The following SLC17A1 variants were observed in gnomAD, a reference collection of about 807,000 sequenced individuals.
The protein encoded by SLC17A1 is solute carrier family 17 member 1, also known as sodium-dependent phosphate transport protein 1.
SLC17A1 carries 51 observed loss-of-function variants against 53.5 expected under a neutral mutation model. The ratio of observed to expected loss-of-function variants is 0.95; its 90% CI spans 0.76 to 1.20. The LOEUF is 1.20. SLC17A1 is among the 50% of genes most tolerant of loss of function. SLC17A1 has a pLI of 0.00. For missense variants in SLC17A1, 538 were observed against 568.2 expected (o/e 0.95, Z 0.54); for synonymous variants, 179 against 198.8 (o/e 0.90, Z 0.84).
Position 25,798,769 on chromosome 6 carries a change from T to C in SLC17A1, c.*2+14A>G. On this transcript the variant is annotated intron_variant, in intron 12 of 12. Transcript: ENST00000244527. The stretch of plus-strand genomic sequence containing the variant: ...CCAGTTTCAAAAATTGTCCTTAATC[T>C]GATCACTTCTCACCTTCAGAGACGT... 5 of 1,591,692 alleles carry C rather than the reference T, an allele frequency of 3.1e-6. No individual in the cohort carries two copies. The highest frequency in any genetic ancestry group is 4.3e-6 in the Non-Finnish European group (5 of 1,164,966).
the SLC17A1 span, chr6:25,727,280 C>G: frequency 3.1e-5 from 49 of 1,601,966 alleles, no homozygotes; most frequent in South Asian, 4.1e-4. Flanking sequence ...CTAAGTACAC[C>G]AGCTCCAAGT....
chr6:25,765,859 A>C, the SLC17A1 span, among the ~76,000 whole-genome samples: 2 of 152,210 alleles, frequency 1.3e-5, no homozygotes, highest in African/African-American at 4.8e-5. Context: ...ATCATGAAAA[A>C]ATTGGATTAA....
the SLC17A1 span, chr6:25,773,453 G>A: frequency 6.2e-7 from 1 of 1,612,606 alleles, no homozygotes; most frequent in South Asian, 1.1e-5. Flanking sequence ...GAGAGATGAA[G>A]AATGTGATAG....
intron 3 of SLC17A1, among the ~76,000 whole-genome samples, chr6:25,821,534 A>G (rs1368370063): frequency 2.0e-5 from 3 of 152,184 alleles, no homozygotes; most frequent in African/African-American, 4.8e-5. Flanking sequence ...AAGGAAGTCA[A>G]TATTCACCCT....
chr6:25,812,436 T>C (rs1356110566), intron 8 of SLC17A1, among the ~76,000 whole-genome samples: 1 of 152,206 alleles, frequency 6.6e-6, no homozygotes, highest in Non-Finnish European at 1.5e-5. Flanking sequence ...CCAGACTCAT[T>C]GCCTTACTTT....
chr6:25,779,430 C>T (rs1561817306), downstream of SLC17A1: 1 of 416,938 alleles, frequency 2.4e-6, no homozygotes, highest in Non-Finnish European at 4.2e-6. Flanking sequence ...CCACTGTTAT[C>T]CTAGTAAAAG....
At chr6:25,791,853 T>C (rs1304392992) in intron 12 of SLC17A1, among the ~76,000 whole-genome samples, 1 of 152,218 alleles carries the variant, frequency 6.6e-6, no homozygotes, top group African/African-American at 2.4e-5. Context: ...AGTGACCGAG[T>C]CCATTTGCAG....
At chr6:25,795,648 T>C (rs1763588253) in intron 12 of SLC17A1, among the ~76,000 whole-genome samples, 1 of 152,188 alleles carries the variant, frequency 6.6e-6, no homozygotes, top group African/African-American at 2.4e-5. Flanking sequence ...TGAACCCAGC[T>C]ATATGCCCTC....
the SLC17A1 span, chr6:25,770,011 A>C: frequency 3.2e-6 from 5 of 1,548,708 alleles, no homozygotes; most frequent in Non-Finnish European, 4.4e-6. Context: ...AGTCCTCACA[A>C]TGAAAACTGT....
At chr6:25,746,813 T>C in the SLC17A1 span, among the ~76,000 whole-genome samples, 1 of 152,146 alleles carries the variant, frequency 6.6e-6, no homozygotes, top group Admixed American at 6.5e-5. Flanking sequence ...TGTACCAGGG[T>C]TGGCCTGTGC....
downstream of SLC17A1, chr6:25,779,186 T>A (rs748120844): frequency 8.1e-6 from 13 of 1,613,396 alleles, no homozygotes; most frequent in African/African-American, 1.5e-4. Context: ...CACCCACCTC[T>A]GAGCAAACCG....
the SLC17A1 span, among the ~76,000 whole-genome samples, chr6:25,741,875 T>G: frequency 6.6e-6 from 1 of 151,834 alleles, no homozygotes. Flanking sequence ...AGAGTGAGAC[T>G]CTGTCTAAAA....
At chr6:25,769,737 C>T in the SLC17A1 span, among the ~76,000 whole-genome samples, 1 of 152,018 alleles carries the variant, frequency 6.6e-6, no homozygotes, top group Non-Finnish European at 1.5e-5. Flanking sequence ...AAAATCACTA[C>T]AAAATATGTT....
At chr6:25,803,746 T>C (rs544602732) in intron 10 of SLC17A1, among the ~76,000 whole-genome samples, 2 of 152,188 alleles carry the variant, frequency 1.3e-5, no homozygotes, top group South Asian at 4.1e-4. Context: ...TAATAATATA[T>C]GAATATGGAC....
the SLC17A1 span, among the ~76,000 whole-genome samples, chr6:25,725,850 T>TGC: frequency 6.6e-6 from 1 of 152,112 alleles, no homozygotes; most frequent in East Asian, 1.9e-4. Flanking sequence ...TCCACTGAAG[T>TGC]GCAAGTACTG....
the SLC17A1 span, among the ~76,000 whole-genome samples, chr6:25,728,156 C>T: frequency 6.6e-6 from 1 of 152,124 alleles, no homozygotes; most frequent in Non-Finnish European, 1.5e-5. Flanking sequence ...ATTTTAAGAC[C>T]TCACAAAAAG....
intron 2 of SLC17A1, among the ~76,000 whole-genome samples, chr6:25,828,759 C>T (rs961479635): frequency 2.0e-5 from 3 of 151,950 alleles, no homozygotes; most frequent in Non-Finnish European, 4.4e-5. Flanking sequence ...CTTATAGAAT[C>T]GTTTGAACTA....
the SLC17A1 span, among the ~76,000 whole-genome samples, chr6:25,740,150 C>A: frequency 6.6e-6 from 1 of 152,158 alleles, no homozygotes; most frequent in East Asian, 1.9e-4. Flanking sequence ...AAAACAAAGC[C>A]AGAGCTGGAG....
chr6:25,800,841 C>T (rs1197757563), intron 11 of SLC17A1, 49 bp downstream of exon 11: 2 of 1,170,790 alleles, frequency 1.7e-6, no homozygotes, highest in Non-Finnish European at 2.5e-6. Flanking sequence ...TAATCTTTCT[C>T]TATACAATTA....
Sources: allele counts gnomAD v4.1 joint callset (sites outside exome capture counted in the v4.1 genomes callset), GRCh38; gene constraint gnomAD v4.1.1; transcripts MANE v1.5; gene names NCBI Gene and HGNC (gene_info 2026-07-23, HGNC 2026-07-21).